The following KLK7 variants were observed in gnomAD, a reference collection of about 807,000 sequenced individuals.
KLK7 encodes kallikrein-7.
A neutral mutation model predicts 21.0 loss-of-function variants in KLK7; 17 were observed. The ratio of observed to expected loss-of-function variants is 0.81; its 90% CI spans 0.55 to 1.21. KLK7 has a LOEUF of 1.21. Ranked by LOEUF, KLK7 falls within the 50% of genes most tolerant of loss-of-function variation. KLK7 has a pLI of 0.00. For missense variants in KLK7, 330 were observed against 322.8 expected, an observed-to-expected ratio of 1.02 and a Z score of -0.17; for synonymous variants, 151 against 134.6, an observed-to-expected ratio of 1.12 and a Z score of -0.85.
chr19:50,979,801 T>A lies in KLK7; in HGVS notation c.593A>T (p.Lys198Ile), dbSNP rs759609819. The A allele has an allele frequency of 6.4e-7, 1 of 1,572,304 alleles. No individual in the cohort carries two copies. The highest frequency in any genetic ancestry group is 8.6e-7 in the Non-Finnish European group (1 of 1,157,592). The change falls in exon 5 of 6, where the codon AAA (lysine) becomes ATA (isoleucine). Residue 198 changes from lysine to isoleucine, a missense_variant. Physicochemically the swap from Lys to Ile is moderately radical, Grantham distance 102. Transcript: ENST00000595820. ...MLCAGIPDSK[K>I]NACNGDSGGP... The stretch of plus-strand genomic sequence containing the variant: ...GGAGGGTCTCACATTGCAGGCGTTT[T>A]TCTTGGAGTCGGGGATGCCAGCGCA...
At chr19:50,980,030 A>C (rs1393902743) in intron 4 of KLK7, 106 bp from the exon 5 acceptor site, 2 of 1,340,448 alleles carry the variant, frequency 1.5e-6, no homozygotes, top group African/African-American at 1.5e-5. Context: ...TCTGGGGCCC[A>C]GGACTGCTGG....
upstream of KLK7, chr19:50,984,010 C>CCCG (rs1352324705): frequency 9.8e-7 from 1 of 1,025,216 alleles, no homozygotes; most frequent in Non-Finnish European, 1.3e-6. Flanking sequence ...CTGGGACACC[C>CCCG]CCGCCTGCAT....
chr19:50,983,513 TCCCTCAG>T (rs2091108117), intron 1 of KLK7, among the ~76,000 whole-genome samples: 1 of 81,450 alleles, frequency 1.2e-5, no homozygotes, highest in African/African-American at 4.8e-5. Flanking sequence ...CAGCCCCTCC[TCCCTCAG>T]ACCCAGGAGT....
intron 2 of KLK7, 132 bp from the exon 3 acceptor site, chr19:50,982,046 G>A: frequency 9.5e-7 from 1 of 1,052,018 alleles, no homozygotes; most frequent in Non-Finnish European, 1.4e-6. Context: ...GAGAAAGCAA[G>A]AGATAGGGAT....
Position 50,979,677 on chromosome 19 carries a change from G to A in KLK7, c.606+111C>T, listed in dbSNP as rs902633102. The A allele has an allele frequency of 5.5e-6, 6 of 1,082,868 alleles. No homozygotes were observed. The African/African-American group carries it at 7.8e-5, about 14-fold the overall frequency. 67.1% of individuals were successfully genotyped at this position (1,082,868 alleles called of 1,614,324 possible). A position where few individuals can be genotyped will look rare whatever the true frequency, so the allele number is the denominator to read the frequency against. On this transcript the variant is annotated intron_variant, in intron 5 of 5. Transcript: ENST00000595820. ...GAAAAAGCTGAGGAGGCCAGGCCTG[G>A]GGGGAGGGCAAGGCCGGGCTTGGTA...
Position 50,982,477 on chromosome 19 carries a change from C to A in KLK7, c.-58-20G>T. The A allele has an allele frequency of 6.5e-7, 1 of 1,537,168 alleles. No individual in the cohort carries two copies. The highest frequency in any genetic ancestry group is 1.2e-5 in the South Asian group (1 of 83,050). On this transcript the variant is annotated intron_variant, in intron 1 of 5. Transcript: ENST00000595820. ...CTGGAGCTGAGAAGGAGAAAGCATTCAGGCCCAGCCCCTCCCCACTCAGAC... is the reference window on the plus strand; with the variant it reads ...CTGGAGCTGAGAAGGAGAAAGCATTAAGGCCCAGCCCCTCCCCACTCAGAC...
rs1051615736 is a variant in KLK7, at chr19:50,980,563, T to A, written c.222-76A>T. 2.0e-6 allele frequency: 3 copies of A among 1,529,218 alleles called. No homozygotes were observed. In the African/African-American group the frequency reaches 4.4e-5, roughly 22 times the overall value. The allele number at this position is 1,529,218 out of a possible 1,614,324, so 94.7% of individuals were successfully genotyped here. On this transcript the variant is annotated intron_variant, in intron 3 of 5. Coordinates refer to ENST00000595820, the MANE Select transcript of KLK7 (RefSeq NM_005046.4). Reference sequence around the variant, plus strand: ...GTGTGCAAAGACCTGGGGGACGGGGTGGGGACAGAGACCCAGAGAGAGGAG... The same window carrying A: ...GTGTGCAAAGACCTGGGGGACGGGGAGGGGACAGAGACCCAGAGAGAGGAG...
At chr19:50,980,680 A>T (rs1237094575) in intron 3 of KLK7, among the ~76,000 whole-genome samples, 193 bp from the exon 4 acceptor site, 1 of 114,736 alleles carries the variant, frequency 8.7e-6, no homozygotes, top group African/African-American at 3.5e-5. Context: ...AGCCCCAGAG[A>T]GAGGGAGACA....
chr19:50,981,962 G>C (rs772356625), intron 2 of KLK7, 48 bp from the exon 3 acceptor site: 40 of 1,586,796 alleles, frequency 2.5e-5, no homozygotes, highest in Non-Finnish European at 3.4e-5. Context: ...ATTAGGGGAA[G>C]GCTGAGGCTG....
intron 4 of KLK7, 25 bp from the exon 5 acceptor site, chr19:50,979,949 G>T: frequency 6.3e-7 from 1 of 1,585,094 alleles, no homozygotes; most frequent in Non-Finnish European, 8.6e-7. Flanking sequence ...AGGGAGAGCT[G>T]TCAGTCAGAG....
chr19:50,982,524 C>A, intron 1 of KLK7, 67 bp from the exon 2 acceptor site: 1 of 1,420,002 alleles, frequency 7.0e-7, no homozygotes, highest in South Asian at 1.4e-5. Flanking sequence ...GGCCCCAGCC[C>A]CTCCCCCCAC....
rs1198941455 is a variant in KLK7, at chr19:50,979,690, G to A, written c.606+98C>T. ...AGGCCAGGCCTGGGGGGAGGGCAAG[G>A]CCGGGCTTGGTACCCAGTCACTCGG... On this transcript the variant is annotated intron_variant, in intron 5 of 5. Transcript: ENST00000595820. 3.2e-6 allele frequency: 4 copies of A among 1,264,482 alleles called. No homozygotes were observed. The African/African-American group carries it at 4.4e-5, about 14-fold the overall frequency. 78.3% of individuals were successfully genotyped at this position (1,264,482 alleles called of 1,614,324 possible). A position where few individuals can be genotyped will look rare whatever the true frequency, so the allele number is the denominator to read the frequency against.
intron 1 of KLK7, among the ~76,000 whole-genome samples, chr19:50,983,218 C>T (rs1232149758): frequency 8.2e-6 from 1 of 121,366 alleles, no homozygotes; most frequent in Non-Finnish European, 1.7e-5. Context: ...GGCCCCAGCC[C>T]CTCCTCCCTC....
chr19:50,983,206 C>T (rs1350679926), intron 1 of KLK7, among the ~76,000 whole-genome samples: 1 of 130,200 alleles, frequency 7.7e-6, no homozygotes, highest in Non-Finnish European at 1.6e-5. Context: ...CCCAGGAGTC[C>T]AGGCCCCAGC....
chr19:50,981,092 A>G (rs1214393919), intron 3 of KLK7, among the ~76,000 whole-genome samples: 2 of 145,686 alleles, frequency 1.4e-5, no homozygotes, highest in East Asian at 4.5e-4. Context: ...AGAGAGGGAC[A>G]GAGACCCACA....
intron 1 of KLK7, among the ~76,000 whole-genome samples, chr19:50,983,613 T>G (rs2091108998): frequency 6.6e-6 from 1 of 152,094 alleles, no homozygotes; most frequent in African/African-American, 2.4e-5. Flanking sequence ...TTCCTGTTCT[T>G]CAGATCCCTA....
chr19:50,979,882 ATGAGCT>A lies in KLK7; in HGVS notation c.506_511del (p.Lys169_Leu170del). The A allele has an allele frequency of 6.3e-7, 1 of 1,592,528 alleles. No homozygotes were observed. The highest frequency in any genetic ancestry group is 8.6e-7 in the Non-Finnish European group (1 of 1,169,412). On this transcript the variant is annotated inframe_deletion, in exon 5 of 6. Transcript: ENST00000595820. The stretch of plus-strand genomic sequence containing the variant: ...AACCTTCGTGCAGTCCTGGGGGGAG[ATGAGCT>A]TGACATCCACGCACATGAGGTCAGA...
At chr19:50,981,681 C>A in intron 3 of KLK7, 86 bp downstream of exon 3, 2 of 1,278,330 alleles carry the variant, frequency 1.6e-6, no homozygotes, top group South Asian at 2.9e-5. Flanking sequence ...AGAATAGAGC[C>A]GTAGGCACAG....
intron 1 of KLK7, 85 bp downstream of exon 1, chr19:50,983,766 C>T: frequency 1.6e-6 from 2 of 1,273,560 alleles, no homozygotes; most frequent in Non-Finnish European, 2.0e-6. Flanking sequence ...AGGCTGCAGC[C>T]CCTACCTCTC....
Sources: allele counts gnomAD v4.1 joint callset (sites outside exome capture counted in the v4.1 genomes callset), GRCh38; gene constraint gnomAD v4.1.1; transcripts MANE v1.5; gene names NCBI Gene and HGNC (gene_info 2026-07-23, HGNC 2026-07-21).